SNX29: variants seen among roughly 807,000 people sequenced by gnomAD.
SNX29 encodes the protein sorting nexin-29.
SNX29 carries 78 observed loss-of-function variants against 102.1 expected under a neutral mutation model. The ratio of observed to expected loss-of-function variants is 0.76; its 90% CI spans 0.64 to 0.92. The LOEUF is 0.92. Among genes scored for constraint, SNX29 ranks in the 40% least tolerant of loss-of-function variants. The probability of loss-of-function intolerance (pLI) is 0.00; values close to 1 mark genes in which losing one functional copy is unlikely to be tolerated. For synonymous variants in SNX29, 580 were observed against 414.5 expected (o/e 1.40, Z -4.85); for missense variants, 1,280 against 1,061.7 (o/e 1.21, Z -2.86).
At chr16:12,565,232 G>C (rs1337093576) in intron 20 of SNX29, among the ~76,000 whole-genome samples, 1 of 152,192 alleles carries the variant, frequency 6.6e-6, no homozygotes, top group African/African-American at 2.4e-5. Flanking sequence ...GTATTAGGCT[G>C]TTCTCAATCT....
intron 1 of SNX29, among the ~76,000 whole-genome samples, chr16:11,983,278 C>T (rs568505920): frequency 1.0e-4 from 14 of 137,964 alleles, no homozygotes; most frequent in East Asian, 4.6e-4. Context: ...GGTCTTACTA[C>T]GTTACCCAGG....
intron 14 of SNX29, among the ~76,000 whole-genome samples, chr16:12,274,811 A>G (rs4780419): frequency 0.46 from 69,447 of 151,884 alleles, 17,525 homozygotes; most frequent in Non-Finnish European, 0.58. Context: ...CCTTTCCTTT[A>G]CAGTCCCTGT....
intron 20 of SNX29, among the ~76,000 whole-genome samples, chr16:12,528,777 T>C (rs1348944660): frequency 1.3e-5 from 2 of 152,208 alleles, no homozygotes; most frequent in Admixed American, 6.5e-5. Flanking sequence ...TCATGATGCA[T>C]TCGGTTTGCA....
chr16:12,556,427 A>G (rs1379682636), intron 20 of SNX29: 1 of 152,240 alleles, frequency 6.6e-6, no homozygotes, highest in Non-Finnish European at 1.5e-5. Context: ...ATGGCTACAG[A>G]TGCTGTGAAG....
chr16:12,275,563 CAG>C (rs1191481093), intron 14 of SNX29, among the ~76,000 whole-genome samples: 2 of 152,128 alleles, frequency 1.3e-5, no homozygotes, highest in African/African-American at 4.8e-5. Context: ...CCATTCTCAT[CAG>C]ATATTATTTT....
chr16:12,275,569 T>A (rs1051507329), intron 14 of SNX29, among the ~76,000 whole-genome samples: 1 of 152,218 alleles, frequency 6.6e-6, no homozygotes, highest in Non-Finnish European at 1.5e-5. Flanking sequence ...TCATCAGATA[T>A]TATTTTGGTG....
Position 12,568,519 on chromosome 16 carries a change from C to T in SNX29, c.2332C>T (p.Pro778Ser). 6.2e-7 allele frequency: 1 copy of T among 1,610,014 alleles called. No individual in the cohort carries two copies. The highest frequency in any genetic ancestry group is 1.6e-4 in the Middle Eastern group (1 of 6,062). Reference protein sequence around the residue: ...LMPFFVDITPPGEPVNSRPKA... With the variant: ...LMPFFVDITPSGEPVNSRPKA... ...CTGCTCTTTCAGCGACATCACCCCGCCCGGAGAGCCTGTGAACAGCCGGCC... is the reference window on the plus strand; with the variant it reads ...CTGCTCTTTCAGCGACATCACCCCGTCCGGAGAGCCTGTGAACAGCCGGCC... The change falls in exon 21 of 21, where the codon CCC becomes TCC. Residue 778 changes from proline to serine, a missense_variant. Physicochemically the swap from Pro to Ser is moderately conservative, Grantham distance 74 (BLOSUM62 -1). Coordinates refer to ENST00000566228, the MANE Select transcript of SNX29 (RefSeq NM_032167.5).
chr16:12,109,425 A>G (rs990616370), intron 11 of SNX29, among the ~76,000 whole-genome samples: 1 of 152,098 alleles, frequency 6.6e-6, no homozygotes, highest in Non-Finnish European at 1.5e-5. Context: ...CAATACACTC[A>G]TGATTGCCAA....
intron 20 of SNX29, among the ~76,000 whole-genome samples, chr16:12,548,270 A>T (rs2077735682): frequency 6.6e-6 from 1 of 152,106 alleles, no homozygotes; most frequent in Admixed American, 6.5e-5. Flanking sequence ...CCAGATGTGG[A>T]CCTGACTGGG....
At chr16:12,236,675 T>G (rs117928590) in intron 14 of SNX29, among the ~76,000 whole-genome samples, 1 of 152,240 alleles carries the variant, frequency 6.6e-6, no homozygotes, top group Non-Finnish European at 1.5e-5. Context: ...CTACCACTGA[T>G]TGAAGACTCC....
At chr16:12,549,539 A>C (rs528447569) in intron 20 of SNX29, among the ~76,000 whole-genome samples, 2 of 152,330 alleles carry the variant, frequency 1.3e-5, no homozygotes, top group African/African-American at 4.8e-5. Context: ...TCAAATAGCC[A>C]GTAAGGCATG....
At chr16:12,443,553 C>T (rs887804224) in intron 18 of SNX29, among the ~76,000 whole-genome samples, 13 of 152,140 alleles carry the variant, frequency 8.5e-5, no homozygotes, top group Non-Finnish European at 1.8e-4. Flanking sequence ...CCCCTTCAAG[C>T]GATTCTCCTG....
At chr16:12,159,027 C>G (rs1252460333) in intron 13 of SNX29, among the ~76,000 whole-genome samples, 2 of 152,228 alleles carry the variant, frequency 1.3e-5, no homozygotes, top group African/African-American at 4.8e-5. Context: ...ATGAGCCCTT[C>G]TGGAATTAAT....
chr16:12,537,964 A>G (rs2077150535), intron 20 of SNX29, among the ~76,000 whole-genome samples: 1 of 141,992 alleles, frequency 7.0e-6, no homozygotes, highest in South Asian at 2.4e-4. Context: ...CAGCCTGGGC[A>G]ATAGAGCAAA....
chr16:12,348,509 T>G (rs1314376597), intron 15 of SNX29, among the ~76,000 whole-genome samples: 3 of 152,208 alleles, frequency 2.0e-5, no homozygotes. Context: ...CCATTCACTG[T>G]GGCGTTGACA....
At chr16:12,103,979 G>T (rs977697158) in intron 11 of SNX29, among the ~76,000 whole-genome samples, 9 of 152,126 alleles carry the variant, frequency 5.9e-5, no homozygotes, top group East Asian at 5.8e-4. Flanking sequence ...TCTAGAATTC[G>T]CTGCTAAAAA....
intron 20 of SNX29, among the ~76,000 whole-genome samples, chr16:12,539,354 T>C (rs1427703584): frequency 6.6e-6 from 1 of 152,086 alleles, no homozygotes; most frequent in East Asian, 1.9e-4. Context: ...AATGGAATCA[T>C]ACTGTAAGCA....
intron 13 of SNX29, among the ~76,000 whole-genome samples, chr16:12,161,949 G>A (rs62038332): frequency 0.011 from 1,718 of 152,314 alleles, 17 homozygotes; most frequent in Non-Finnish European, 0.017. Flanking sequence ...TTCCTGATGA[G>A]CAATGCAAAA....
At chr16:12,319,272 T>C (rs998842772) in intron 15 of SNX29, among the ~76,000 whole-genome samples, 36 of 152,156 alleles carry the variant, frequency 2.4e-4, no homozygotes, top group Non-Finnish European at 5.9e-5. Flanking sequence ...CCCAGCACTG[T>C]GGGAGGATCA....
Sources: gnomAD v4.1 joint callset for allele counts (sites outside exome capture counted in the v4.1 genomes callset) on GRCh38, gnomAD v4.1.1 for gene constraint, MANE v1.5 for transcripts, NCBI Gene and HGNC (gene_info 2026-07-23, HGNC 2026-07-21) for gene names.